L3MBTL4: variants seen among roughly 807,000 people sequenced by gnomAD.
L3MBTL4 encodes the protein L3MBTL histone methyl-lysine binding protein 4.
Under a neutral mutation model 84.5 loss-of-function variants are expected in L3MBTL4, and 70 were observed. That is an observed-to-expected ratio of 0.83 (90% CI 0.68 to 1.01). The LOEUF is 1.01. Among genes scored for constraint, L3MBTL4 ranks in the 50% least tolerant of loss-of-function variants. The probability of loss-of-function intolerance (pLI) is 0.00; values close to 1 mark genes in which losing one functional copy is unlikely to be tolerated. For synonymous variants in L3MBTL4, 274 were observed against 259.8 expected (o/e 1.05, Z -0.52); for missense variants, 715 against 754.8 (o/e 0.95, Z 0.62).
rs111379337 is a variant in L3MBTL4 at position 6,181,157 on chromosome 18, AT to A, written c.982-9216del. 3.2e-3 allele frequency among the ~76,000 whole-genome samples: 455 copies of A among 143,320 alleles called. 2 individuals are homozygous for A. Among genetic ancestry groups the A allele is most frequent in the Non-Finnish European group, 4.2e-3 (273 of 64,744 alleles). 94.0% of individuals were successfully genotyped at this position (143,320 alleles called of 152,430 possible). A position where few individuals can be genotyped will look rare whatever the true frequency, so the allele number is the denominator to read the frequency against. On this transcript the variant is annotated intron_variant, in intron 12 of 18. Coordinates refer to ENST00000317931, the MANE Select transcript of L3MBTL4 (RefSeq NM_001330559.2). ...GGACTTTCTGTTTGAGGTGAGGACA[AT>A]TTTTTTTTTTTTGCATTTTACATTC...
At chr18:5,963,283 T>C (rs2052155108) in intron 17 of L3MBTL4, among the ~76,000 whole-genome samples, 1 of 152,248 alleles carries the variant, frequency 6.6e-6, no homozygotes, top group African/African-American at 2.4e-5. Flanking sequence ...TTGCCTATGT[T>C]AAACTGTCCT....
In L3MBTL4 at chr18:6,215,697, A is replaced by T. The variant is rs1269321181; in HGVS notation, c.870+53T>A. 6 of 958,978 alleles carry T rather than the reference A, an allele frequency of 6.3e-6. No homozygotes were observed. In the East Asian group the frequency reaches 1.3e-4, roughly 20 times the overall value. 59.4% of individuals were successfully genotyped at this position (958,978 alleles called of 1,614,324 possible). On this transcript the variant is annotated intron_variant, in intron 11 of 18. Transcript: ENST00000317931. ...TTTTAAACTGCCAAATGTAGGCATG[A>T]CTCAATACAAACGTTGTTTAAAGGT...
intron 4 of L3MBTL4, among the ~76,000 whole-genome samples, chr18:6,298,501 T>G (rs1294981913): frequency 6.6e-6 from 1 of 152,224 alleles, no homozygotes; most frequent in Non-Finnish European, 1.5e-5. Context: ...TGTACTTTAA[T>G]GTAGAGAGTT....
intron 1 of L3MBTL4, among the ~76,000 whole-genome samples, chr18:6,337,599 A>C (rs150866438): frequency 1.9e-3 from 292 of 152,246 alleles, no homozygotes; most frequent in African/African-American, 6.8e-3. Flanking sequence ...TTTAGAAAAT[A>C]GTATCTGTAG....
intron 4 of L3MBTL4, among the ~76,000 whole-genome samples, chr18:6,285,898 C>T (rs2049555744): frequency 6.6e-6 from 1 of 151,058 alleles, no homozygotes; most frequent in African/African-American, 2.4e-5. Context: ...GTGGTGCAAT[C>T]TCGGCTCACT....
intron 14 of L3MBTL4, among the ~76,000 whole-genome samples, chr18:6,136,158 T>C (rs2060022193): frequency 6.6e-6 from 1 of 152,112 alleles, no homozygotes; most frequent in African/African-American, 2.4e-5. Context: ...TTCAATTACC[T>C]CTCCCTGGGT....
intron 4 of L3MBTL4, among the ~76,000 whole-genome samples, chr18:6,291,168 T>C (rs2049849203): frequency 6.6e-6 from 1 of 152,152 alleles, no homozygotes; most frequent in Non-Finnish European, 1.5e-5. Context: ...CCTTTCTGAC[T>C]TGACAAAATA....
chr18:6,179,407 C>T (rs1471027245), intron 12 of L3MBTL4, among the ~76,000 whole-genome samples: 1 of 152,146 alleles, frequency 6.6e-6, no homozygotes, highest in Admixed American at 6.5e-5. Flanking sequence ...TTCCTGATAC[C>T]TATTGCTCAT....
Position 6,147,571 on chromosome 18 carries a change from G to T in L3MBTL4, c.1097-9275C>A, listed in dbSNP as rs148619654. 2.1e-3 allele frequency among the ~76,000 whole-genome samples: 318 copies of T among 152,252 alleles called. 1 individual carries two copies. Among genetic ancestry groups the T allele is most frequent in the African/African-American group, 7.5e-3 (310 of 41,540 alleles). On this transcript the variant is annotated intron_variant, in intron 13 of 18. Transcript: ENST00000317931. ...TCTAGAAAAATCTTTAAAGTACCAC[G>T]ATGGCAATATTAGTAGAGAAAGGCA...
In L3MBTL4 at chr18:5,983,503, T is replaced by C. The variant is rs550359917; in HGVS notation, c.1445-13941A>G. On this transcript the variant is annotated intron_variant, in intron 16 of 18. Transcript: ENST00000317931. ...CGTGTGTGTTTGTGTGGGTGGGGAT[T>C]AAAAAAAAAACAGTGTTAGGGAATA... is the stretch of plus-strand genomic sequence containing the variant. Among the ~76,000 whole-genome samples, 3 of 148,770 alleles carry C rather than the reference T, an allele frequency of 2.0e-5. No individual in the cohort carries two copies. The East Asian group carries it at 5.9e-4, about 29-fold the overall frequency.
chr18:6,072,879 AAAATATATATATATATATATATATATAT>A lies in L3MBTL4; in HGVS notation c.1444+7974_1444+8001del, dbSNP rs1229729778. On this transcript the variant is annotated intron_variant, in intron 16 of 18. Transcript: ENST00000317931. ...AGACTCCGTCTCAAAAAAAAAAAAA[AAAATATATATATATATATATATATATAT>A]ATATATATATATATATATACACACA... Among the ~76,000 whole-genome samples the A allele has an allele frequency of 1.9e-3, 79 of 41,596 alleles. 12 individuals are homozygous for A. The highest frequency in any genetic ancestry group is 5.2e-3 in the Admixed American group (18 of 3,432). The allele number at this position is 41,596 out of a possible 152,430, so 27.3% of individuals were successfully genotyped here.
chr18:6,122,087 GC>G (rs2059549242), intron 14 of L3MBTL4, among the ~76,000 whole-genome samples: 1 of 152,058 alleles, frequency 6.6e-6, no homozygotes, highest in African/African-American at 2.4e-5. Context: ...TCCAAGGCTC[GC>G]TTTTTTAATT....
chr18:6,041,291 G>A (rs1161606102), intron 16 of L3MBTL4, among the ~76,000 whole-genome samples: 1 of 152,226 alleles, frequency 6.6e-6, no homozygotes, highest in South Asian at 2.1e-4. Context: ...TGAGCATGCT[G>A]CAGAGTGAAT....
At chr18:6,213,691 C>T (rs1182474974) in intron 11 of L3MBTL4, among the ~76,000 whole-genome samples, 3 of 152,042 alleles carry the variant, frequency 2.0e-5, no homozygotes, top group South Asian at 2.1e-4. Flanking sequence ...GGATTACAGG[C>T]GTGAGCCATC....
chr18:6,024,559 C>T lies in L3MBTL4; in HGVS notation c.1445-54997G>A, dbSNP rs184101034. The stretch of plus-strand genomic sequence containing the variant: ...TAAAGCCCACAAAATATGCAAACTT[C>T]CTACTTTCCCCCCTCAAGGTACACT... On this transcript the variant is annotated intron_variant, in intron 16 of 18. Coordinates refer to ENST00000317931, the MANE Select transcript of L3MBTL4 (RefSeq NM_001330559.2). Among the ~76,000 whole-genome samples, 458 of 152,294 alleles carry T rather than the reference C, an allele frequency of 3.0e-3. 1 individual carries two copies. Among genetic ancestry groups the T allele is most frequent in the African/African-American group, 0.01 (436 of 41,538 alleles).
At chr18:6,387,747 G>A (rs2054882847) in intron 1 of L3MBTL4, among the ~76,000 whole-genome samples, 1 of 152,220 alleles carries the variant, frequency 6.6e-6, no homozygotes. Flanking sequence ...TGGCAGTGGG[G>A]AAGGTGCAAG....
intron 16 of L3MBTL4, among the ~76,000 whole-genome samples, chr18:5,976,009 A>G (rs2052909779): frequency 6.6e-6 from 1 of 152,370 alleles, no homozygotes. Flanking sequence ...TGGGAGATGA[A>G]GCACACAAGA....
At position 6,181,433 on chromosome 18, in the gene L3MBTL4, C is replaced by A. The variant is rs550072245; in HGVS notation, c.982-9491G>T. Among the ~76,000 whole-genome samples, 33 of 152,150 alleles carry A rather than the reference C, an allele frequency of 2.2e-4. No homozygotes were observed. In the East Asian group the frequency reaches 5.6e-3, roughly 26 times the overall value. ...CTCTGTTTCCTGGGTTCAAGCAATT[C>A]TCCTGCCTCAGCCTCCTGTGTAGCT... On this transcript the variant is annotated intron_variant, in intron 12 of 18. Coordinates refer to ENST00000317931, the MANE Select transcript of L3MBTL4 (RefSeq NM_001330559.2).
chr18:5,954,948 AT>A lies in L3MBTL4; in HGVS notation c.*1271del, dbSNP rs1050598496. On this transcript the variant is annotated 3_prime_UTR_variant, in exon 19 of 19. Transcript: ENST00000317931. ...GTTTATTTTCTTCAGTGAAAAAAAA[AT>A]GTAAAGCTTGAGAAATTCTCCAAGC... The A allele has an allele frequency of 6.6e-6, 1 of 152,186 alleles. No homozygotes were observed. The highest frequency in any genetic ancestry group is 1.5e-5 in the Non-Finnish European group (1 of 68,032). 9.4% of individuals were successfully genotyped at this position (152,186 alleles called of 1,614,324 possible). A position where few individuals can be genotyped will look rare whatever the true frequency, so the allele number is the denominator to read the frequency against.
Sources: allele counts gnomAD v4.1 joint callset (sites outside exome capture counted in the v4.1 genomes callset), GRCh38; gene constraint gnomAD v4.1.1; transcripts MANE v1.5; gene names NCBI Gene and HGNC (gene_info 2026-07-23, HGNC 2026-07-21).